ATXN10: variants seen among roughly 807,000 people sequenced by gnomAD.
ATXN10 encodes ataxin 10, also known as ataxin-10.
Under a neutral mutation model 52.9 loss-of-function variants are expected in ATXN10, and 28 were observed. The ratio of observed to expected loss-of-function variants is 0.53; its 90% CI spans 0.39 to 0.73. The LOEUF is 0.73. ATXN10 is among the 30% of genes least tolerant of loss of function. The probability of loss-of-function intolerance (pLI) is 0.00; values close to 1 mark genes in which losing one functional copy is unlikely to be tolerated. For synonymous variants in ATXN10, 226 were observed against 221.5 expected (o/e 1.02, Z -0.18); for missense variants, 565 against 577.0 (o/e 0.98, Z 0.21).
chr22:45,722,569 A>T (rs190257105), intron 6 of ATXN10, among the ~76,000 whole-genome samples: 2 of 152,210 alleles, frequency 1.3e-5, no homozygotes, highest in Admixed American at 1.3e-4. Flanking sequence ...CATATAATAA[A>T]GCTGCATTAT....
In ATXN10 at chr22:45,781,721, T is replaced by C. The variant is rs1490346456; in HGVS notation, c.1174-25238T>C. Among the ~76,000 whole-genome samples the C allele has an allele frequency of 1.3e-5, 2 of 152,168 alleles. No individual in the cohort carries two copies. Among genetic ancestry groups the C allele is most frequent in the African/African-American group, 2.4e-5 (1 of 41,420 alleles). ...ATAGAAATGCTTCTGTAAGCAATTATGACCACACTGGAAACAAATGAAAAA... is the reference window on the plus strand; with the variant it reads ...ATAGAAATGCTTCTGTAAGCAATTACGACCACACTGGAAACAAATGAAAAA... On this transcript the variant is annotated intron_variant, in intron 9 of 11. Coordinates refer to ENST00000252934, the MANE Select transcript of ATXN10 (RefSeq NM_013236.4). The surrounding 1 kb of genome is among the most constrained non-coding windows in gnomAD (Gnocchi z 4.2).
Position 45,837,763 on chromosome 22 carries a change from G to A in ATXN10, c.1238-5228G>A, listed in dbSNP as rs111651934. On this transcript the variant is annotated intron_variant, in intron 10 of 11. Coordinates refer to ENST00000252934, the MANE Select transcript of ATXN10 (RefSeq NM_013236.4). This position sits in a 1 kb window ranked among gnomAD's most constrained non-coding sequence, Gnocchi z 5.8. ...CAAGTGATGGGCATGGCTGTGTGCC[G>A]TAGAACCTTGTTTACGGATACGGAC... Among the ~76,000 whole-genome samples the A allele has an allele frequency of 1.3e-5, 2 of 152,206 alleles. No homozygotes were observed. The highest frequency in any genetic ancestry group is 2.9e-5 in the Non-Finnish European group (2 of 68,038).
At chr22:45,776,858 G>A (rs1047078054) in intron 9 of ATXN10, among the ~76,000 whole-genome samples, 4 of 152,120 alleles carry the variant, frequency 2.6e-5, no homozygotes, top group African/African-American at 9.7e-5. Context: ...GTGATTCTGA[G>A]ACAAGAGTTT....
chr22:45,751,763 A>AATAATAATAATAAT (rs1925975532), intron 9 of ATXN10, among the ~76,000 whole-genome samples: 3 of 66,628 alleles, frequency 4.5e-5, no homozygotes, highest in Non-Finnish European at 8.8e-5. Flanking sequence ...AATAAAAAAA[A>AATAATAATAATAAT]AATAATAATA....
chr22:45,803,659 C>T (rs1048307517), intron 9 of ATXN10, among the ~76,000 whole-genome samples: 3 of 152,132 alleles, frequency 2.0e-5, no homozygotes, highest in Admixed American at 6.5e-5. Flanking sequence ...ATCCCAATAT[C>T]GGTCAGCACA....
At chr22:45,755,451 C>G (rs1273280610) in intron 9 of ATXN10, among the ~76,000 whole-genome samples, 1 of 152,160 alleles carries the variant, frequency 6.6e-6, no homozygotes, top group Non-Finnish European at 1.5e-5. Context: ...TGTGAAGGTT[C>G]TCTGGCCGTT....
Position 45,826,436 on chromosome 22 carries a change from A to G in ATXN10, c.1238-16555A>G, listed in dbSNP as rs1374095638. On this transcript the variant is annotated intron_variant, in intron 10 of 11. Transcript: ENST00000252934. This position sits in a 1 kb window ranked among gnomAD's most constrained non-coding sequence, Gnocchi z 5.0. ...TTTGATGGAAGTCACGAATATATACAACCAGGAAACTCGGTGAGCTCCAAG... is the reference window on the plus strand; with the variant it reads ...TTTGATGGAAGTCACGAATATATACGACCAGGAAACTCGGTGAGCTCCAAG... Among the ~76,000 whole-genome samples, 1 of 152,216 alleles carries G rather than the reference A, an allele frequency of 6.6e-6. No individual in the cohort carries two copies. Among genetic ancestry groups the G allele is most frequent in the African/African-American group, 2.4e-5 (1 of 41,452 alleles).
rs184605192 is a variant in ATXN10, at chr22:45,678,847, G to A, written c.116+6668G>A. The A allele has an allele frequency of 1.2e-4, 18 of 152,288 alleles. No individual in the cohort carries two copies. In the East Asian group the frequency reaches 2.9e-3, roughly 24 times the overall value. The allele number at this position is 152,288 out of a possible 1,614,324, so 9.4% of individuals were successfully genotyped here. A position where few individuals can be genotyped will look rare whatever the true frequency, so the allele number is the denominator to read the frequency against. On this transcript the variant is annotated intron_variant, in intron 1 of 11. Transcript: ENST00000252934. The surrounding 1 kb of genome is among the most constrained non-coding windows in gnomAD (Gnocchi z 4.1). ...ATTGATAGGATAAAATTAACTATGT[G>A]TAGCTTACTTTGAACTACTGACATA...
chr22:45,829,913 A>C (rs1387307870), intron 10 of ATXN10, among the ~76,000 whole-genome samples: 2 of 152,228 alleles, frequency 1.3e-5, no homozygotes, highest in African/African-American at 4.8e-5. Flanking sequence ...TGAATAGCCA[A>C]AACAATGTAT....
rs1929296801 is a variant in ATXN10, at chr22:45,840,070, C to CA, written c.1238-2918dup. 1.3e-5 allele frequency among the ~76,000 whole-genome samples: 2 copies of CA among 152,170 alleles called. No individual in the cohort carries two copies. The highest frequency in any genetic ancestry group is 4.8e-5 in the African/African-American group (2 of 41,436). The stretch of plus-strand genomic sequence containing the variant: ...GCATTAGAGTATACAGAAATACAAA[C>CA]AAACAGTCATAGCTTACATAATTTC... On this transcript the variant is annotated intron_variant, in intron 10 of 11. Transcript: ENST00000252934. This position sits in a 1 kb window ranked among gnomAD's most constrained non-coding sequence, Gnocchi z 5.8.
In ATXN10 at chr22:45,784,175, A is replaced by AT. The variant is rs202040582; in HGVS notation, c.1174-22779dup. Among the ~76,000 whole-genome samples the AT allele has an allele frequency of 8.5e-5, 13 of 152,184 alleles. No homozygotes were observed. Among genetic ancestry groups the AT allele is most frequent in the Admixed American group, 1.3e-4 (2 of 15,276 alleles). On this transcript the variant is annotated intron_variant, in intron 9 of 11. Transcript: ENST00000252934. The surrounding 1 kb of genome is among the most constrained non-coding windows in gnomAD (Gnocchi z 4.2). ...AGTTACCTGCAATTTGTGTGGTACA[A>AT]TTTTTAAAAAAAAATGTACATTTTT...
At chr22:45,721,825 G>A (rs1924663683) in intron 6 of ATXN10, among the ~76,000 whole-genome samples, 5 of 152,158 alleles carry the variant, frequency 3.3e-5, no homozygotes, top group Admixed American at 2.6e-4. Flanking sequence ...TAAGCCAGGA[G>A]AATCACTTTA....
At chr22:45,771,797 T>G (rs1310268303) in intron 9 of ATXN10, among the ~76,000 whole-genome samples, 1 of 152,172 alleles carries the variant, frequency 6.6e-6, no homozygotes, top group Non-Finnish European at 1.5e-5. Flanking sequence ...AATTTTTATT[T>G]TTTTAAAAGA....
rs768297945 is a variant in ATXN10, at chr22:45,843,254, C to G, written c.1425+76C>G. On this transcript the variant is annotated intron_variant, in intron 11 of 11. Transcript: ENST00000252934. This position sits in a 1 kb window ranked among gnomAD's most constrained non-coding sequence, Gnocchi z 4.5. ...TTCCACTTCCCCATTGCTTCAAGCA[C>G]GAGGCTCTTTGTAAGAATATGGATG... is the stretch of plus-strand genomic sequence containing the variant. The G allele has an allele frequency of 6.8e-6, 10 of 1,477,600 alleles. No homozygotes were observed. The highest frequency in any genetic ancestry group is 9.4e-6 in the Non-Finnish European group (10 of 1,060,294). 91.5% of individuals were successfully genotyped at this position (1,477,600 alleles called of 1,614,324 possible).
chr22:45,687,086 T>C (rs1446880306), intron 1 of ATXN10, among the ~76,000 whole-genome samples: 1 of 152,114 alleles, frequency 6.6e-6, no homozygotes, highest in Non-Finnish European at 1.5e-5. Context: ...CTATTAATAG[T>C]TATTTGGATT....
intron 9 of ATXN10, among the ~76,000 whole-genome samples, chr22:45,751,740 G>GGAAAAAAAAAAAAAAAAAAAAAAA (rs1555892667): frequency 2.2e-5 from 1 of 45,502 alleles, no homozygotes; most frequent in Non-Finnish European, 3.7e-5. Flanking sequence ...CCTTTTTCTG[G>GGAAAAAAAAAAAAAAAAAAAAAAA]AAAAAAAAAA....
chr22:45,687,668 C>T (rs1261882778), intron 1 of ATXN10, among the ~76,000 whole-genome samples: 1 of 152,162 alleles, frequency 6.6e-6, no homozygotes, highest in Non-Finnish European at 1.5e-5. Flanking sequence ...AAATTGTGAT[C>T]AGCCTTAGCA....
intron 10 of ATXN10, among the ~76,000 whole-genome samples, chr22:45,829,230 A>T (rs987798839): frequency 6.6e-6 from 1 of 152,174 alleles, no homozygotes; most frequent in Non-Finnish European, 1.5e-5. Context: ...GCCTCAACAT[A>T]ATAAAAGCCA....
Position 45,844,533 on chromosome 22 carries a change from G to A in ATXN10, c.*862G>A, listed in dbSNP as rs1278875874. 6.6e-6 allele frequency: 1 copy of A among 152,186 alleles called. No individual in the cohort carries two copies. The highest frequency in any genetic ancestry group is 1.5e-5 in the Non-Finnish European group (1 of 68,036). 9.4% of individuals were successfully genotyped at this position (152,186 alleles called of 1,614,324 possible). A position where few individuals can be genotyped will look rare whatever the true frequency, so the allele number is the denominator to read the frequency against. On this transcript the variant is annotated 3_prime_UTR_variant, in exon 12 of 12. Transcript: ENST00000252934. ...CCATGTCTTCACTGAAATTGCAAAA[G>A]TACTTTTAGGGAGCAGGAGTTTATT...
Sources: gnomAD v4.1 joint callset for allele counts (sites outside exome capture counted in the v4.1 genomes callset) on GRCh38, gnomAD v4.1.1 for gene constraint, Gnocchi (gnomAD v3.1) non-coding constraint, MANE v1.5 for transcripts, NCBI Gene and HGNC (gene_info 2026-07-23, HGNC 2026-07-21) for gene names.